The following COX18 variants were observed in gnomAD, a reference collection of about 807,000 sequenced individuals.
The protein encoded by COX18 is cytochrome c oxidase assembly factor COX18, also known as cytochrome c oxidase assembly protein COX18, mitochondrial.
Under a neutral mutation model 38.0 loss-of-function variants are expected in COX18, and 45 were observed. The observed-to-expected ratio is 1.18, with a 90% CI of 0.93 to 1.52. COX18 has a LOEUF of 1.52. Ranked by LOEUF, COX18 falls within the 40% of genes most tolerant of loss-of-function variation. The pLI is 0.00. For missense variants in COX18, 462 were observed against 423.8 expected, an observed-to-expected ratio of 1.09 and a Z score of -0.79; for synonymous variants, 177 against 169.8, an observed-to-expected ratio of 1.04 and a Z score of -0.33.
At chr4:73,064,534 A>G (rs1251245418) in intron 4 of COX18, among the ~76,000 whole-genome samples, 1 of 152,218 alleles carries the variant, frequency 6.6e-6, no homozygotes, top group Admixed American at 6.5e-5. Context: ...GAATCATATA[A>G]TTTTGAAGCT....
At chr4:73,060,345 T>C (rs1277815154) in intron 5 of COX18, among the ~76,000 whole-genome samples, 5 of 152,188 alleles carry the variant, frequency 3.3e-5, no homozygotes, top group African/African-American at 7.2e-5. Context: ...GCTGGTATGA[T>C]TGCTCTGTGG....
In COX18 at chr4:73,058,300, G is replaced by T. The variant is rs1256871503; in HGVS notation, c.832-13C>A. 5.3e-5 allele frequency: 83 copies of T among 1,571,584 alleles called. No homozygotes were observed. Among genetic ancestry groups the T allele is most frequent in the Non-Finnish European group, 7.2e-5 (83 of 1,154,544 alleles). Reference sequence around the variant, plus strand: ...AGAGAACAATTGACTATAAAGAGAAGACATAAATGTTAGCATCTGTAATTC... The same window carrying T: ...AGAGAACAATTGACTATAAAGAGAATACATAAATGTTAGCATCTGTAATTC... On this transcript the variant is annotated splice_polypyrimidine_tract_variant and intron_variant, in intron 5 of 5. Coordinates refer to ENST00000507544, the MANE Select transcript of COX18 (RefSeq NM_001297732.2).
intron 1 of COX18, chr4:73,068,410 T>C (rs530928511): frequency 7.2e-5 from 18 of 248,638 alleles, no homozygotes; most frequent in Non-Finnish European, 1.2e-4. Flanking sequence ...CTTCACAGGG[T>C]TACAAATATT....
At chr4:73,063,045 CTGTAATTCCAGCACTT>C (rs1720254423) in intron 4 of COX18, among the ~76,000 whole-genome samples, 1 of 152,068 alleles carries the variant, frequency 6.6e-6, no homozygotes, top group Admixed American at 6.6e-5. Flanking sequence ...TGGCTCACAC[CTGTAATTCCAGCACTT>C]TGGGAGGCTG....
upstream of COX18, chr4:73,069,725 G>C: frequency 7.2e-7 from 1 of 1,391,846 alleles, no homozygotes; most frequent in Non-Finnish European, 9.8e-7. Flanking sequence ...AGGCTGATAC[G>C]CGCACGCGCC....
In COX18 at chr4:73,053,412, T is replaced by C. The variant is rs1321571098; in HGVS notation, c.*4702A>G. ...AAGGGGGATAATGAAACTTACGCGATGTCTGGGAAGACTGTAATCCCATAG... is the reference window on the plus strand; with the variant it reads ...AAGGGGGATAATGAAACTTACGCGACGTCTGGGAAGACTGTAATCCCATAG... On this transcript the variant is annotated 3_prime_UTR_variant, in exon 6 of 6. Coordinates refer to ENST00000507544, the MANE Select transcript of COX18 (RefSeq NM_001297732.2). 2 of 152,178 alleles carry C rather than the reference T, an allele frequency of 1.3e-5. No homozygotes were observed. The highest frequency in any genetic ancestry group is 4.8e-5 in the African/African-American group (2 of 41,430). 9.4% of individuals were successfully genotyped at this position (152,178 alleles called of 1,614,324 possible).
chr4:73,057,059 T>G lies in COX18; in HGVS notation c.*1055A>C, dbSNP rs1319377479. ...TTGCTTGAACACGGGAGGCAGAGGT[T>G]GCAGTGAGCCGAGATCGTGCCACTG... is the stretch of plus-strand genomic sequence containing the variant. On this transcript the variant is annotated 3_prime_UTR_variant, in exon 6 of 6. Coordinates refer to ENST00000507544, the MANE Select transcript of COX18 (RefSeq NM_001297732.2). 6.6e-6 allele frequency: 1 copy of G among 151,886 alleles called. No homozygotes were observed. The highest frequency in any genetic ancestry group is 6.6e-5 in the Admixed American group (1 of 15,208). The allele number at this position is 151,886 out of a possible 1,614,324, so 9.4% of individuals were successfully genotyped here. A position where few individuals can be genotyped will look rare whatever the true frequency, so the allele number is the denominator to read the frequency against.
In COX18 at chr4:73,068,093, T is replaced by C. The variant is rs1213466377; in HGVS notation, c.370A>G (p.Arg124Gly). The C allele has an allele frequency of 1.2e-6, 2 of 1,609,574 alleles. No homozygotes were observed. Among genetic ancestry groups the C allele is most frequent in the South Asian group, 1.1e-5 (1 of 90,244 alleles). ...ACTGCAACTTCTTGGTTAAGATGCC[T>C]GGCAATAGTTTTTATTTCTGGCTGC... ...NLQPEIKTIA[R>G]HLNQEVAVRA... The change falls in exon 2 of 6, where the codon AGG becomes GGG. Residue 124 changes from arginine (R) to glycine (G), a missense_variant. By Grantham distance (125) the Arg-to-Gly change is moderately radical. Coordinates refer to ENST00000507544, the MANE Select transcript of COX18 (RefSeq NM_001297732.2).
chr4:73,058,074 A>G lies in COX18; in HGVS notation c.*40T>C, dbSNP rs1436192633. ...CTAAGTCTAAATACATTTAGATGAT[A>G]GTGACTCCTGCAACTGTTTCAAAAT... On this transcript the variant is annotated 3_prime_UTR_variant, in exon 6 of 6. Coordinates refer to ENST00000507544, the MANE Select transcript of COX18 (RefSeq NM_001297732.2). 3 of 1,315,764 alleles carry G rather than the reference A, an allele frequency of 2.3e-6. No individual in the cohort carries two copies. The Middle Eastern group carries it at 5.6e-4, about 246-fold the overall frequency. 81.5% of individuals were successfully genotyped at this position (1,315,764 alleles called of 1,614,324 possible).
intron 5 of COX18, among the ~76,000 whole-genome samples, chr4:73,059,154 T>G (rs1720031209): frequency 6.6e-6 from 1 of 152,160 alleles, no homozygotes; most frequent in Non-Finnish European, 1.5e-5. Context: ...CAATACGAAG[T>G]TCTACAACCT....
At chr4:73,060,017 G>C (rs1720071202) in intron 5 of COX18, among the ~76,000 whole-genome samples, 2 of 152,110 alleles carry the variant, frequency 1.3e-5, no homozygotes, top group Non-Finnish European at 1.5e-5. Context: ...CTCCTTAAAA[G>C]GGGCTGACTG....
chr4:73,067,168 T>A (rs1720487163), intron 2 of COX18, among the ~76,000 whole-genome samples: 1 of 152,212 alleles, frequency 6.6e-6, no homozygotes, highest in Admixed American at 6.5e-5. Context: ...ATAGACAGCA[T>A]CTTAGCTATC....
chr4:73,062,258 C>G (rs1014703870), intron 4 of COX18, among the ~76,000 whole-genome samples: 9 of 151,740 alleles, frequency 5.9e-5, no homozygotes, highest in African/African-American at 2.2e-4. Flanking sequence ...CTTAACTGGC[C>G]TAGGTGGAAG....
At chr4:73,063,525 A>G (rs1291726224) in intron 4 of COX18, among the ~76,000 whole-genome samples, 1 of 152,152 alleles carries the variant, frequency 6.6e-6, no homozygotes, top group African/African-American at 2.4e-5. Context: ...AAGTAGCTGG[A>G]ACTAGAGGCG....
chr4:73,067,864 A>AAAAAAATAAATATATATAT, intron 2 of COX18, among the ~76,000 whole-genome samples, 165 bp downstream of exon 2: 1 of 20,010 alleles, frequency 5.0e-5, no homozygotes. Context: ...AAAAAAAAAA[A>AAAAAAATAAATATATATAT]ATATATATAT....
Position 73,065,186 on chromosome 4 carries a change from T to G in COX18, c.598+64A>C, listed in dbSNP as rs1453854978. ...TGAAAAGTATGCTTTTTTTTTTTTT[T>G]TTTTTTTTTTAGTACAAAGACAATG... On this transcript the variant is annotated intron_variant, in intron 3 of 5. Transcript: ENST00000507544. 2.7e-5 allele frequency: 33 copies of G among 1,202,740 alleles called. 2 individuals are homozygous for G. Among genetic ancestry groups the G allele is most frequent in the East Asian group, 7.7e-5 (3 of 39,114 alleles). The allele number at this position is 1,202,740 out of a possible 1,614,324, so 74.5% of individuals were successfully genotyped here.
At position 73,058,082 on chromosome 4, in the gene COX18, C is replaced by A. The variant is rs1449064736; in HGVS notation, c.*32G>T. 1 of 1,446,134 alleles carries A rather than the reference C, an allele frequency of 6.9e-7. No individual in the cohort carries two copies. The highest frequency in any genetic ancestry group is 2.3e-5 in the East Asian group (1 of 43,640). The allele number at this position is 1,446,134 out of a possible 1,614,324, so 89.6% of individuals were successfully genotyped here. A position where few individuals can be genotyped will look rare whatever the true frequency, so the allele number is the denominator to read the frequency against. ...AAATACATTTAGATGATAGTGACTC[C>A]TGCAACTGTTTCAAAATTATTGGAA... is the stretch of plus-strand genomic sequence containing the variant. On this transcript the variant is annotated 3_prime_UTR_variant, in exon 6 of 6. Transcript: ENST00000507544.
Position 73,069,463 on chromosome 4 carries a change from G to C in COX18, c.187C>G (p.Pro63Ala), listed in dbSNP as rs776558214. ...AGTACTTCCTCCGCAACCCGCACCGGCGAAGACGCGGCCAGGGCCTCGTAC... is the reference window on the plus strand; with the variant it reads ...AGTACTTCCTCCGCAACCCGCACCGCCGAAGACGCGGCCAGGGCCTCGTAC... ...GWYEALAASS[P>A]VRVAEEVLLG... is the part of the protein sequence containing the mutation. The change falls in exon 1 of 6, where the codon CCG (proline) becomes GCG (alanine). Residue 63 changes from proline (P) to alanine (A), a missense_variant. Physicochemically the swap from Pro to Ala is conservative, Grantham distance 27. Transcript: ENST00000507544. 1 of 1,590,294 alleles carries C rather than the reference G, an allele frequency of 6.3e-7. No homozygotes were observed. Among genetic ancestry groups the C allele is most frequent in the Non-Finnish European group, 8.5e-7 (1 of 1,169,778 alleles).
In COX18 at chr4:73,061,857, C is replaced by A; in HGVS notation, c.787G>T (p.Ala263Ser). 6.2e-7 allele frequency: 1 copy of A among 1,613,696 alleles called. No individual in the cohort carries two copies. The highest frequency in any genetic ancestry group is 8.5e-7 in the Non-Finnish European group (1 of 1,179,772). ...FQTYITYFVR[A>S]MSVLMIPIAA... ...ATTGGTATCATCAACACCGACATTG[C>A]ACGGACAAAGTACGTAATATACGTC... The change falls in exon 5 of 6, where the codon GCA becomes TCA. Residue 263 changes from alanine (A) to serine (S), a missense_variant. Ala to Ser is a moderately conservative substitution (Grantham distance 99). Coordinates refer to ENST00000507544, the MANE Select transcript of COX18 (RefSeq NM_001297732.2).
Sources: gnomAD v4.1 joint callset for allele counts (sites outside exome capture counted in the v4.1 genomes callset) on GRCh38, gnomAD v4.1.1 for gene constraint, MANE v1.5 for transcripts, NCBI Gene and HGNC (gene_info 2026-07-23, HGNC 2026-07-21) for gene names.